The following PPP1R27 variants were observed in gnomAD, a reference collection of about 807,000 sequenced individuals.
PPP1R27 encodes the protein protein phosphatase 1 regulatory subunit 27.
Under a neutral mutation model 12.0 loss-of-function variants are expected in PPP1R27, and 10 were observed. The observed-to-expected ratio is 0.84, with a 90% CI of 0.52 to 1.42. The LOEUF is 1.42. Ranked by LOEUF, PPP1R27 falls within the 40% of genes most tolerant of loss-of-function variation. The pLI is 0.00. For missense variants in PPP1R27, 246 were observed against 215.3 expected, an observed-to-expected ratio of 1.14 and a Z score of -0.89; for synonymous variants, 98 against 89.3, an observed-to-expected ratio of 1.10 and a Z score of -0.55.
chr17:81,834,407 C>G (rs970179610), intron 2 of PPP1R27, 96 bp downstream of exon 2: 3 of 1,438,042 alleles, frequency 2.1e-6, no homozygotes, highest in African/African-American at 1.4e-5. Context: ...TTCTTGCCGA[C>G]ACCACCCGGG....
chr17:81,834,003 G>A, intron 2 of PPP1R27, 151 bp from the exon 3 acceptor site: 2 of 836,774 alleles, frequency 2.4e-6, no homozygotes, highest in Non-Finnish European at 3.6e-6. Context: ...GAAGAAACCT[G>A]ACCCTTTGGA....
Position 81,834,980 on chromosome 17 carries a change from C to T in PPP1R27, c.-27G>A. On this transcript the variant is annotated 5_prime_UTR_variant, in exon 1 of 3. Transcript: ENST00000330261. ...TTGGGCGCTGTGGGGCAGGTTGCCCCTGGGGACCCTACTGCACTGGGGTTA... is the reference window on the plus strand; with the variant it reads ...TTGGGCGCTGTGGGGCAGGTTGCCCTTGGGGACCCTACTGCACTGGGGTTA... 6.4e-7 allele frequency: 1 copy of T among 1,563,912 alleles called. No individual in the cohort carries two copies. Among genetic ancestry groups the T allele is most frequent in the Non-Finnish European group, 8.6e-7 (1 of 1,157,504 alleles).
chr17:81,833,725 T>C lies in PPP1R27; in HGVS notation c.*4A>G, dbSNP rs1185428698. 1 of 1,548,522 alleles carries C rather than the reference T, an allele frequency of 6.5e-7. No individual in the cohort carries two copies. Among genetic ancestry groups the C allele is most frequent in the South Asian group, 1.2e-5 (1 of 84,030 alleles). On this transcript the variant is annotated 3_prime_UTR_variant, in exon 3 of 3. Transcript: ENST00000330261. Reference sequence around the variant, plus strand: ...GGGCGCGGGGGCGGGCGGGCAAAGCTGGCTCAGTCCATCGTGGTCCCTTTG... The same window carrying C: ...GGGCGCGGGGGCGGGCGGGCAAAGCCGGCTCAGTCCATCGTGGTCCCTTTG...
In PPP1R27 at chr17:81,833,707, G is replaced by GGGGC; in HGVS notation, c.*18_*21dup. 1 of 1,544,552 alleles carries GGGGC rather than the reference G, an allele frequency of 6.5e-7. No individual in the cohort carries two copies. Among genetic ancestry groups the GGGGC allele is most frequent in the Non-Finnish European group, 8.7e-7 (1 of 1,145,982 alleles). On this transcript the variant is annotated 3_prime_UTR_variant, in exon 3 of 3. Transcript: ENST00000330261. ...CTCCAGGGAGGCGGCCCTGGGCGCG[G>GGGGC]GGGCGGGCGGGCAAAGCTGGCTCAG...
In PPP1R27 at chr17:81,833,545, TA is replaced by T; in HGVS notation, c.*183del. 3.3e-6 allele frequency: 2 copies of T among 608,198 alleles called. No homozygotes were observed. The highest frequency in any genetic ancestry group is 2.0e-5 in the South Asian group (1 of 48,854). 37.7% of individuals were successfully genotyped at this position (608,198 alleles called of 1,614,324 possible). A position where few individuals can be genotyped will look rare whatever the true frequency, so the allele number is the denominator to read the frequency against. ...CTGGGAGTCACGTTTATTGAAAAAGTAAAAAGTGTCACAGTAAAAAATTCAC... is the reference window on the plus strand; with the variant it reads ...CTGGGAGTCACGTTTATTGAAAAAGTAAAAGTGTCACAGTAAAAAATTCAC... On this transcript the variant is annotated 3_prime_UTR_variant, in exon 3 of 3. Coordinates refer to ENST00000330261, the MANE Select transcript of PPP1R27 (RefSeq NM_001007533.4).
In PPP1R27 at chr17:81,833,711, C is replaced by G; in HGVS notation, c.*18G>C. ...AGGGAGGCGGCCCTGGGCGCGGGGG[C>G]GGGCGGGCAAAGCTGGCTCAGTCCA... On this transcript the variant is annotated 3_prime_UTR_variant, in exon 3 of 3. Transcript: ENST00000330261. 1 of 1,544,572 alleles carries G rather than the reference C, an allele frequency of 6.5e-7. No individual in the cohort carries two copies.
At position 81,834,905 on chromosome 17, in the gene PPP1R27, G is replaced by C. The variant is rs375799258; in HGVS notation, c.49C>G (p.Arg17Gly). The change falls in exon 1 of 3, where the codon CGG becomes GGG. Residue 17 changes from arginine (R) to glycine (G), a missense_variant. Coordinates refer to ENST00000330261, the MANE Select transcript of PPP1R27 (RefSeq NM_001007533.4). ...CTGCGATCAGCCAGCATCCGCCGCCGCCGCTGCCGTGGGCTGTAGCGGGCA... is the reference window on the plus strand; with the variant it reads ...CTGCGATCAGCCAGCATCCGCCGCCCCCGCTGCCGTGGGCTGTAGCGGGCA... ...RYARYSPRQR[R>G]RRMLADRSVR... 2 of 1,612,330 alleles carry C rather than the reference G, an allele frequency of 1.2e-6. No individual in the cohort carries two copies. Among genetic ancestry groups the C allele is most frequent in the African/African-American group, 1.3e-5 (1 of 74,936 alleles).
rs1036868062 is a variant in PPP1R27 at position 81,833,665 on chromosome 17, T to G, written c.*64A>C. 1.2e-5 allele frequency: 18 copies of G among 1,516,636 alleles called. No homozygotes were observed. Among genetic ancestry groups the G allele is most frequent in the Non-Finnish European group, 1.6e-5 (18 of 1,133,650 alleles). 93.9% of individuals were successfully genotyped at this position (1,516,636 alleles called of 1,614,324 possible). A position where few individuals can be genotyped will look rare whatever the true frequency, so the allele number is the denominator to read the frequency against. The stretch of plus-strand genomic sequence containing the variant: ...CACGGGTGGGGCACGTGCTGGCCCA[T>G]GGGCGACGCGCGGCTTCTCCAGGGA... On this transcript the variant is annotated 3_prime_UTR_variant, in exon 3 of 3. Coordinates refer to ENST00000330261, the MANE Select transcript of PPP1R27 (RefSeq NM_001007533.4).
chr17:81,833,989 G>A, intron 2 of PPP1R27, 137 bp from the exon 3 acceptor site: 1 of 1,010,752 alleles, frequency 9.9e-7, no homozygotes. Context: ...GGTAGGGTGA[G>A]GAGGAAGAAA....
rs548442814 is a variant in PPP1R27 at position 81,833,962 on chromosome 17, T to C, written c.342-110A>G. On this transcript the variant is annotated intron_variant, in intron 2 of 2. Transcript: ENST00000330261. ...GGGGTCACCTGTGTGTCCCCCACCT[T>C]GGGGTCCTAAGGTCCGGGTAGGGTG... is the stretch of plus-strand genomic sequence containing the variant. 7.6e-5 allele frequency: 101 copies of C among 1,336,564 alleles called. 1 individual carries two copies. The South Asian group carries it at 1.4e-3, about 18-fold the overall frequency. 82.8% of individuals were successfully genotyped at this position (1,336,564 alleles called of 1,614,324 possible).
chr17:81,834,640 C>T lies in PPP1R27; in HGVS notation c.204G>A (p.Leu68=). 6.2e-7 allele frequency: 1 copy of T among 1,614,116 alleles called. No individual in the cohort carries two copies. Among genetic ancestry groups the T allele is most frequent in the South Asian group, 1.1e-5 (1 of 91,088 alleles). The part of the protein sequence containing the change: ...ATIHPSGLAA[L]HEAVLSGNLE... ...GGTTTCCAGAGAGCACGGCTTCATG[C>T]AAGGCGGCCAGGCCTGGGCAGGGAG... The change falls in exon 2 of 3, where the codon TTG becomes TTA. Residue 68 remains leucine, a synonymous_variant. Transcript: ENST00000330261.
Position 81,833,511 on chromosome 17 carries a change from C to T in PPP1R27, c.*218G>A, listed in dbSNP as rs1598257940. The T allele has an allele frequency of 3.7e-6, 2 of 542,390 alleles. No individual in the cohort carries two copies. Among genetic ancestry groups the T allele is most frequent in the Non-Finnish European group, 6.5e-6 (2 of 305,680 alleles). The allele number at this position is 542,390 out of a possible 1,614,324, so 33.6% of individuals were successfully genotyped here. Reference sequence around the variant, plus strand: ...CAGGGACCACGTGTGTAGACCCAGGCCCCCTCACCTGGGAGTCACGTTTAT... The same window carrying T: ...CAGGGACCACGTGTGTAGACCCAGGTCCCCTCACCTGGGAGTCACGTTTAT... On this transcript the variant is annotated 3_prime_UTR_variant, in exon 3 of 3. Coordinates refer to ENST00000330261, the MANE Select transcript of PPP1R27 (RefSeq NM_001007533.4).
intron 1 of PPP1R27, 46 bp from the exon 2 acceptor site, chr17:81,834,699 G>A: frequency 1.9e-6 from 3 of 1,611,664 alleles, no homozygotes; most frequent in Non-Finnish European, 2.5e-6. Flanking sequence ...CCCAGGTCAG[G>A]TCCTCCTTGC....
At chr17:81,834,437 TC>T in intron 2 of PPP1R27, 65 bp downstream of exon 2, 1 of 1,567,110 alleles carries the variant, frequency 6.4e-7, no homozygotes, top group Non-Finnish European at 8.7e-7. Flanking sequence ...GGGGCTCCCA[TC>T]CTGGGGACCC....
In PPP1R27 at chr17:81,834,943, C is replaced by G. The variant is rs770458996; in HGVS notation, c.11G>C (p.Arg4Thr). 6 of 1,604,458 alleles carry G rather than the reference C, an allele frequency of 3.7e-6. No homozygotes were observed. In the African/African-American group the frequency reaches 8.0e-5, roughly 21 times the overall value. MPS[R>T]TARYARYSPR... Reference sequence around the variant, plus strand: ...GCTGTAGCGGGCATAGCGGGCAGTTCTGCTAGGCATCTTGGGCGCTGTGGG... The same window carrying G: ...GCTGTAGCGGGCATAGCGGGCAGTTGTGCTAGGCATCTTGGGCGCTGTGGG... Residue 4 changes from arginine (R) to threonine (T), a missense_variant, in exon 1 of 3, where the codon AGA becomes ACA. Coordinates refer to ENST00000330261, the MANE Select transcript of PPP1R27 (RefSeq NM_001007533.4).
At chr17:81,834,422 A>C in intron 2 of PPP1R27, 81 bp downstream of exon 2, 1 of 1,527,910 alleles carries the variant, frequency 6.5e-7, no homozygotes, top group Non-Finnish European at 8.9e-7. Flanking sequence ...CCCGGGCTAC[A>C]TTTTGGGGCT....
chr17:81,833,743 T>A lies in PPP1R27; in HGVS notation c.451A>T (p.Thr151Ser), dbSNP rs1362895109. ...GCAAAGCTGGCTCAGTCCATCGTGG[T>A]CCCTTTGAAGAGCTCCACCAGCTCC... is the stretch of plus-strand genomic sequence containing the variant. ...YKELVELFKG[T>S]TMD The change falls in exon 3 of 3, where the codon ACC becomes TCC. Residue 151 changes from threonine to serine, a missense_variant. By Grantham distance (58) the Thr-to-Ser change is moderately conservative (BLOSUM62 1). Transcript: ENST00000330261. The A allele has an allele frequency of 6.4e-7, 1 of 1,550,420 alleles. No homozygotes were observed. The highest frequency in any genetic ancestry group is 8.7e-7 in the Non-Finnish European group (1 of 1,147,246).
In PPP1R27 at chr17:81,834,830, C is replaced by T. The variant is rs1274091135; in HGVS notation, c.124G>A (p.Asp42Asn). ...VLFLDHIRQGDLEQVGRFIRT... is the reference protein window; with the variant it reads ...VLFLDHIRQGNLEQVGRFIRT... ...ATGAAGCGCCCCACCTGCTCCAGGT[C>T]ACCCTGCCGGATGTGGTCCAAGAAC... is the stretch of plus-strand genomic sequence containing the variant. The change falls in exon 1 of 3, where the codon GAC (aspartate) becomes AAC (asparagine). Residue 42 changes from aspartate to asparagine, a missense_variant. Coordinates refer to ENST00000330261, the MANE Select transcript of PPP1R27 (RefSeq NM_001007533.4). The T allele has an allele frequency of 6.2e-7, 1 of 1,613,774 alleles. No homozygotes were observed. The highest frequency in any genetic ancestry group is 1.3e-5 in the African/African-American group (1 of 75,076).
chr17:81,834,328 C>T lies in PPP1R27; in HGVS notation c.341+175G>A, dbSNP rs1413059402. ...CGAACTCCTGACCTCAGGTGATCCG[C>T]CCACCTCGGCCTCCCAAAGTGCTGG... is the stretch of plus-strand genomic sequence containing the variant. On this transcript the variant is annotated intron_variant, in intron 2 of 2. Coordinates refer to ENST00000330261, the MANE Select transcript of PPP1R27 (RefSeq NM_001007533.4). 3 of 662,388 alleles carry T rather than the reference C, an allele frequency of 4.5e-6. No homozygotes were observed. In the East Asian group the frequency reaches 8.3e-5, roughly 18 times the overall value. The allele number at this position is 662,388 out of a possible 1,614,324, so 41.0% of individuals were successfully genotyped here. A position where few individuals can be genotyped will look rare whatever the true frequency, so the allele number is the denominator to read the frequency against.
Sources: gnomAD v4.1 joint callset for allele counts on GRCh38, gnomAD v4.1.1 for gene constraint, MANE v1.5 for transcripts, NCBI Gene and HGNC (gene_info 2026-07-23, HGNC 2026-07-21) for gene names.